The following LINGO2 variants were observed in gnomAD, a reference collection of about 807,000 sequenced individuals.
The protein encoded by LINGO2 is leucine rich repeat and Ig domain containing 2, also known as leucine-rich repeat and immunoglobulin-like domain-containing nogo receptor-interacting protein 2.
A neutral mutation model predicts 30.6 loss-of-function variants in LINGO2; 14 were observed. The observed-to-expected ratio is 0.46, with a 90% confidence interval of 0.30 to 0.72. LINGO2 has a LOEUF of 0.72. Among genes scored for constraint, LINGO2 ranks in the 30% least tolerant of loss-of-function variants. LINGO2 has a pLI of 0.07. For synonymous variants in LINGO2, 317 were observed against 288.5 expected (o/e 1.10, Z -1.00); for missense variants, 729 against 751.7 (o/e 0.97, Z 0.35).
chr9:27,970,849 A>C (rs535040693), intron 5 of LINGO2, among the ~76,000 whole-genome samples: 1 of 152,020 alleles, frequency 6.6e-6, no homozygotes, highest in African/African-American at 2.4e-5. Context: ...CCATGAAAAT[A>C]AATAACATGG....
At chr9:28,959,020 G>T in the LINGO2 span, among the ~76,000 whole-genome samples, 1 of 152,106 alleles carries the variant, frequency 6.6e-6, no homozygotes, top group Admixed American at 6.6e-5. Flanking sequence ...CACAATCATT[G>T]GAGAAATCTG....
At chr9:29,064,162 T>C in the LINGO2 span, among the ~76,000 whole-genome samples, 3 of 152,138 alleles carry the variant, frequency 2.0e-5, no homozygotes, top group Non-Finnish European at 4.4e-5. Context: ...AGCTATGGTT[T>C]AATGTCTTTA....
At chr9:28,987,551 C>T in the LINGO2 span, among the ~76,000 whole-genome samples, 352 of 152,022 alleles carry the variant, frequency 2.3e-3, 3 homozygotes, top group African/African-American at 8.0e-3. Context: ...TTTCTGCCTT[C>T]TTCTTTAATA....
chr9:28,495,591 C>A (rs941132803), intron 1 of LINGO2, among the ~76,000 whole-genome samples: 2 of 152,042 alleles, frequency 1.3e-5, no homozygotes, highest in Non-Finnish European at 2.9e-5. Flanking sequence ...TGTTTTGATA[C>A]CAGTACCATG....
At chr9:29,170,621 G>A in the LINGO2 span, among the ~76,000 whole-genome samples, 1 of 151,972 alleles carries the variant, frequency 6.6e-6, no homozygotes, top group Non-Finnish European at 1.5e-5. Flanking sequence ...ACTGGATCAT[G>A]CACATTATAG....
chr9:28,520,510 C>A (rs1252312861), intron 1 of LINGO2, among the ~76,000 whole-genome samples: 1 of 152,046 alleles, frequency 6.6e-6, no homozygotes, highest in South Asian at 2.1e-4. Context: ...TTTTTTAAGG[C>A]AGTAATCATT....
intron 1 of LINGO2, among the ~76,000 whole-genome samples, chr9:28,666,088 C>T (rs1302886449): frequency 6.6e-6 from 1 of 151,992 alleles, no homozygotes; most frequent in Non-Finnish European, 1.5e-5. Context: ...GACGGGGTTT[C>T]ACCATCTTGG....
At chr9:28,634,486 T>TC (rs5897313) in intron 1 of LINGO2, among the ~76,000 whole-genome samples, 4 of 92,170 alleles carry the variant, frequency 4.3e-5, no homozygotes, top group African/African-American at 2.6e-4. Flanking sequence ...TCTTTTTTTC[T>TC]TTTTTTTTTT....
chr9:28,650,569 C>T (rs1026196860), intron 1 of LINGO2, among the ~76,000 whole-genome samples: 6 of 152,098 alleles, frequency 3.9e-5, no homozygotes, highest in African/African-American at 1.4e-4. Flanking sequence ...AAGATCAATG[C>T]CTTCACCAAG....
intron 1 of LINGO2, among the ~76,000 whole-genome samples, chr9:28,506,414 ATATATATACACACAC>A (rs1820121301): frequency 7.5e-4 from 2 of 2,672 alleles, no homozygotes; most frequent in Admixed American, 7.5e-3. Flanking sequence ...ATATATATAT[ATATATATACACACAC>A]ACACACACAC....
At chr9:28,288,178 G>A (rs1376308511) in intron 4 of LINGO2, among the ~76,000 whole-genome samples, 1 of 152,086 alleles carries the variant, frequency 6.6e-6, no homozygotes, top group Non-Finnish European at 1.5e-5. Context: ...CCATAGCTGT[G>A]TATGTAAAAA....
intron 5 of LINGO2, among the ~76,000 whole-genome samples, chr9:28,002,751 C>G (rs1308334142): frequency 6.6e-6 from 1 of 151,732 alleles, no homozygotes; most frequent in Non-Finnish European, 1.5e-5. Flanking sequence ...CGATTCCTAG[C>G]TAGGGCCACT....
At chr9:28,221,375 A>T (rs1222868458) in intron 4 of LINGO2, among the ~76,000 whole-genome samples, 1 of 151,526 alleles carries the variant, frequency 6.6e-6, no homozygotes, top group African/African-American at 2.4e-5. Context: ...GATAATTGTG[A>T]GATAATGAAT....
At chr9:28,152,840 C>A (rs1345517256) in intron 4 of LINGO2, among the ~76,000 whole-genome samples, 1 of 152,002 alleles carries the variant, frequency 6.6e-6, no homozygotes, top group Non-Finnish European at 1.5e-5. Flanking sequence ...ATGTGAAAGA[C>A]ATAAAGAAAA....
intron 4 of LINGO2, among the ~76,000 whole-genome samples, chr9:28,134,668 T>G (rs1827467260): frequency 6.6e-6 from 1 of 152,190 alleles, no homozygotes; most frequent in African/African-American, 2.4e-5. Flanking sequence ...GTAGTAAACA[T>G]GGCTGAGTTC....
the LINGO2 span, among the ~76,000 whole-genome samples, chr9:28,784,020 C>A: frequency 6.6e-6 from 1 of 152,156 alleles, no homozygotes; most frequent in Non-Finnish European, 1.5e-5. Context: ...CGAAAGTCCC[C>A]ACCGCTGAAC....
At chr9:28,284,898 G>C (rs181619785) in intron 4 of LINGO2, among the ~76,000 whole-genome samples, 3 of 152,300 alleles carry the variant, frequency 2.0e-5, no homozygotes, top group Admixed American at 2.0e-4. Flanking sequence ...ATTAAGGAGA[G>C]TATTACCTCA....
chr9:28,057,973 C>T (rs1256208490), intron 4 of LINGO2, among the ~76,000 whole-genome samples: 1 of 152,092 alleles, frequency 6.6e-6, no homozygotes, highest in East Asian at 1.9e-4. Context: ...CTTTTATATA[C>T]TATTCTCTCC....
At chr9:28,794,636 A>T in the LINGO2 span, among the ~76,000 whole-genome samples, 13 of 152,266 alleles carry the variant, frequency 8.5e-5, no homozygotes, top group African/African-American at 2.6e-4. Context: ...CATGTGTTCT[A>T]CGTGTTTTCT....
Sources: allele counts gnomAD v4.1 joint callset (sites outside exome capture counted in the v4.1 genomes callset), GRCh38; gene constraint gnomAD v4.1.1; transcripts MANE v1.5; gene names NCBI Gene and HGNC (gene_info 2026-07-23, HGNC 2026-07-21).